The following TMC1 variants were observed in gnomAD, a reference collection of about 807,000 sequenced individuals.
The protein encoded by TMC1 is transmembrane channel like 1.
TMC1 carries 84 observed loss-of-function variants against 105.8 expected under a neutral mutation model. The ratio of observed to expected loss-of-function variants is 0.79; its 90% confidence interval spans 0.67 to 0.95. The LOEUF is 0.95. TMC1 is among the 40% of genes least tolerant of loss of function. The pLI, the probability that TMC1 is intolerant of heterozygous loss-of-function variation, is 0.00. For missense variants in TMC1, 817 were observed against 914.1 expected (o/e 0.89, Z 1.37); for synonymous variants, 315 against 311.5 (o/e 1.01, Z -0.12).
intron 2 of TMC1, among the ~76,000 whole-genome samples, chr9:72,590,323 G>A (rs1311327318): frequency 6.6e-6 from 1 of 152,158 alleles, no homozygotes; most frequent in African/African-American, 2.4e-5. Context: ...GGAAATAATT[G>A]TGTAGCTTTC....
Position 72,681,109 on chromosome 9 carries a change from G to T in TMC1, c.17-7600G>T, listed in dbSNP as rs374268832. Among the ~76,000 whole-genome samples the T allele has an allele frequency of 4.6e-5, 7 of 152,024 alleles. No homozygotes were observed. In the East Asian group the frequency reaches 5.8e-4, roughly 13 times the overall value. ...GTATTTTCATCTGGTTGTTATTTTG[G>T]TATCCTATTACTAGAAAAGGTTTTA... On this transcript the variant is annotated intron_variant, in intron 5 of 23. Coordinates refer to ENST00000297784, the MANE Select transcript of TMC1 (RefSeq NM_138691.3).
At chr9:72,805,222 A>ATATT (rs900181452) in intron 17 of TMC1, 160 bp from the exon 18 acceptor site, 2 of 580,540 alleles carry the variant, frequency 3.4e-6, no homozygotes, top group African/African-American at 3.8e-5. Flanking sequence ...TCAGGGTGAA[A>ATATT]TATTTTTTAT....
intron 5 of TMC1, among the ~76,000 whole-genome samples, chr9:72,661,130 T>C (rs1663761): frequency 0.49 from 73,880 of 151,954 alleles, 18,169 homozygotes; most frequent in African/African-American, 0.55. Flanking sequence ...CCAGCCTGGG[T>C]GACAGAGCGA....
intron 5 of TMC1, chr9:72,655,711 C>T: frequency 2.4e-6 from 1 of 424,752 alleles, no homozygotes. Flanking sequence ...CACTGCACTC[C>T]AGCCCGGGCG....
chr9:72,639,666 C>T (rs981356605), intron 4 of TMC1, among the ~76,000 whole-genome samples: 2 of 151,994 alleles, frequency 1.3e-5, no homozygotes, highest in Non-Finnish European at 1.5e-5. Flanking sequence ...ATTACTCTGA[C>T]ATTTGTTATT....
intron 5 of TMC1, among the ~76,000 whole-genome samples, chr9:72,658,671 T>C (rs1825922378): frequency 6.6e-6 from 1 of 152,236 alleles, no homozygotes; most frequent in African/African-American, 2.4e-5. Context: ...AATTCATGTA[T>C]TCCTTCTGAG....
intron 13 of TMC1, among the ~76,000 whole-genome samples, chr9:72,775,064 A>G (rs1827985825): frequency 6.6e-6 from 1 of 152,238 alleles, no homozygotes; most frequent in Non-Finnish European, 1.5e-5. Context: ...ATAAAAAGAT[A>G]GAAATCCAAG....
At chr9:72,790,386 C>T (rs1828247399) in intron 15 of TMC1, among the ~76,000 whole-genome samples, 1 of 152,026 alleles carries the variant, frequency 6.6e-6, no homozygotes, top group Non-Finnish European at 1.5e-5. Context: ...CTTTAATATA[C>T]AGTCATGTCA....
chr9:72,544,620 C>T (rs1337307994), intron 1 of TMC1, among the ~76,000 whole-genome samples: 1 of 151,254 alleles, frequency 6.6e-6, no homozygotes, highest in Admixed American at 6.6e-5. Flanking sequence ...ACTGGGATTA[C>T]AGGCACCTGC....
At chr9:72,794,585 C>A (rs1193433166) in intron 17 of TMC1, among the ~76,000 whole-genome samples, 1 of 152,182 alleles carries the variant, frequency 6.6e-6, no homozygotes, top group African/African-American at 2.4e-5. Flanking sequence ...CTGTGCAAAG[C>A]CTTGGCCCAA....
chr9:72,538,624 A>G (rs552903047), intron 1 of TMC1, among the ~76,000 whole-genome samples: 1 of 152,150 alleles, frequency 6.6e-6, no homozygotes, highest in Non-Finnish European at 1.5e-5. Context: ...TTTTTAGTAG[A>G]GATGGGGTTT....
chr9:72,522,181 G>T (rs1438284584), intron 1 of TMC1, among the ~76,000 whole-genome samples: 1 of 139,174 alleles, frequency 7.2e-6, no homozygotes, highest in Non-Finnish European at 1.5e-5. Flanking sequence ...ACGGAGTCTT[G>T]CTCTGTCTCC....
At chr9:72,725,687 T>A (rs971991688) in intron 8 of TMC1, among the ~76,000 whole-genome samples, 3 of 151,766 alleles carry the variant, frequency 2.0e-5, no homozygotes, top group African/African-American at 7.3e-5. Flanking sequence ...ACTCAAATGT[T>A]AATCTCTCTC....
intron 12 of TMC1, among the ~76,000 whole-genome samples, chr9:72,758,163 G>C (rs965256830): frequency 1.3e-5 from 2 of 152,048 alleles, no homozygotes; most frequent in Non-Finnish European, 2.9e-5. Flanking sequence ...TTTGTCTTTT[G>C]TTTTGGCAAT....
chr9:72,673,030 G>A (rs1003522687), intron 5 of TMC1, among the ~76,000 whole-genome samples: 7 of 152,116 alleles, frequency 4.6e-5, no homozygotes, highest in African/African-American at 1.4e-4. Context: ...TGTAACTACA[G>A]TGGAATTAAG....
intron 1 of TMC1, among the ~76,000 whole-genome samples, chr9:72,525,876 T>C (rs983482887): frequency 1.3e-5 from 2 of 151,926 alleles, no homozygotes; most frequent in African/African-American, 4.8e-5. Flanking sequence ...TATTCCCAGC[T>C]ACTTGGGAGG....
rs781747541 is a variant in TMC1, at chr9:72,751,938, C to A, written c.624C>A (p.Ser208Arg). The change falls in exon 11 of 24, where the codon AGC (serine) becomes AGA (arginine). Residue 208 changes from serine (S) to arginine (R), a missense_variant. Physicochemically the swap from Ser to Arg is moderately radical, Grantham distance 110. Transcript: ENST00000297784. Reference protein sequence around the residue: ...VNMVLFILTFSLIMLPEYLWG... With the variant: ...VNMVLFILTFRLIMLPEYLWG... The stretch of plus-strand genomic sequence containing the variant: ...TGGTTCTCTTTATCCTGACATTTAG[C>A]CTCATCATGTTGCCAGAGGTGAGAT... 51 of 1,610,320 alleles carry A rather than the reference C, an allele frequency of 3.2e-5. No homozygotes were observed. Among genetic ancestry groups the A allele is most frequent in the Non-Finnish European group, 4.0e-5 (47 of 1,176,758 alleles).
chr9:72,748,039 G>T (rs551328015), intron 10 of TMC1, among the ~76,000 whole-genome samples: 3 of 152,210 alleles, frequency 2.0e-5, no homozygotes, highest in Admixed American at 6.5e-5. Context: ...TATACCTATT[G>T]TTTCAGAAAC....
At chr9:72,830,399 C>A in intron 21 of TMC1, 52 bp from the exon 22 acceptor site, 1 of 1,226,958 alleles carries the variant, frequency 8.2e-7, no homozygotes, top group Non-Finnish European at 1.2e-6. Context: ...TAAGAAGTAT[C>A]TTGGGGAACT....
Sources: gnomAD v4.1 joint callset for allele counts (sites outside exome capture counted in the v4.1 genomes callset) on GRCh38, gnomAD v4.1.1 for gene constraint, MANE v1.5 for transcripts, NCBI Gene and HGNC (gene_info 2026-07-23, HGNC 2026-07-21) for gene names.